The following MPRIP variants were observed in gnomAD, a reference collection of about 807,000 sequenced individuals.
MPRIP encodes myosin phosphatase Rho-interacting protein.
Under a neutral mutation model 234.9 loss-of-function variants are expected in MPRIP, and 59 were observed. The ratio of observed to expected loss-of-function variants is 0.25; its 90% CI spans 0.20 to 0.31. The LOEUF (loss-of-function observed/expected upper bound fraction) is 0.31. Among genes scored for constraint, MPRIP ranks in the 10% least tolerant of loss-of-function variants. MPRIP has a pLI of 1.00. For synonymous variants in MPRIP, 1,144 were observed against 1,263.9 expected (o/e 0.91, Z 2.01); for missense variants, 2,436 against 3,071.0 (o/e 0.79, Z 4.89).
chr17:17,160,006 A>G (rs1202002719), intron 14 of MPRIP, among the ~76,000 whole-genome samples: 1 of 152,228 alleles, frequency 6.6e-6, no homozygotes, highest in Non-Finnish European at 1.5e-5. Flanking sequence ...ACTTCAGGCT[A>G]CCAAAATGGG....
At chr17:17,103,505 C>T (rs1422303223) in intron 3 of MPRIP, among the ~76,000 whole-genome samples, 1 of 152,154 alleles carries the variant, frequency 6.6e-6, no homozygotes, top group Non-Finnish European at 1.5e-5. Context: ...TCTCTTTTTA[C>T]GTGGAAAGAG....
At chr17:17,181,307 C>T (rs912276143) in intron 23 of MPRIP, among the ~76,000 whole-genome samples, 4 of 152,088 alleles carry the variant, frequency 2.6e-5, no homozygotes, top group South Asian at 2.1e-4. Flanking sequence ...TGAGTAGTTG[C>T]CGGCTCAGTA....
intron 3 of MPRIP, among the ~76,000 whole-genome samples, chr17:17,119,706 G>T (rs866905688): frequency 6.6e-6 from 1 of 152,310 alleles, no homozygotes; most frequent in Admixed American, 6.5e-5. Context: ...AGAACGTGCC[G>T]AGCTGCCTGT....
At chr17:17,104,842 C>G (rs1014032254) in intron 3 of MPRIP, among the ~76,000 whole-genome samples, 2 of 152,140 alleles carry the variant, frequency 1.3e-5, no homozygotes, top group Non-Finnish European at 2.9e-5. Context: ...CCAGCTTTGT[C>G]CTTAAGACCC....
intron 1 of MPRIP, among the ~76,000 whole-genome samples, chr17:17,052,286 TG>T (rs901452753): frequency 2.6e-5 from 4 of 152,164 alleles, no homozygotes; most frequent in African/African-American, 9.7e-5. Context: ...TTAGTGTTTT[TG>T]TTTGGCCCCG....
intron 11 of MPRIP, among the ~76,000 whole-genome samples, chr17:17,148,726 C>T (rs1251310535): frequency 1.3e-5 from 2 of 152,238 alleles, no homozygotes; most frequent in East Asian, 1.9e-4. Context: ...TGGAGCACCA[C>T]GTTTACTTGA....
Position 17,078,300 on chromosome 17 carries a change from A to G in MPRIP, c.267+224A>G, listed in dbSNP as rs2089383263. 7.2e-6 allele frequency among the ~76,000 whole-genome samples: 1 copy of G among 139,530 alleles called. No individual in the cohort carries two copies. Among genetic ancestry groups the G allele is most frequent in the Admixed American group, 6.9e-5 (1 of 14,398 alleles). The allele number at this position is 139,530 out of a possible 152,430, so 91.5% of individuals were successfully genotyped here. The stretch of plus-strand genomic sequence containing the variant: ...TCTTCTGTGGTCTTGAGTGAGAGGA[A>G]GAAGTGAGGGAGGAAGTCATTTCTG... On this transcript the variant is annotated intron_variant, in intron 3 of 23. Transcript: ENST00000651222. This position sits in a 1 kb window ranked among gnomAD's most constrained non-coding sequence, Gnocchi z 4.3.
At chr17:17,083,173 G>A (rs140176195) in intron 3 of MPRIP, among the ~76,000 whole-genome samples, 108 of 152,324 alleles carry the variant, frequency 7.1e-4, no homozygotes, top group African/African-American at 2.5e-3. Flanking sequence ...CATAATCTCA[G>A]CTCACATCCT....
intron 4 of MPRIP, among the ~76,000 whole-genome samples, chr17:17,129,764 G>T (rs2031169543): frequency 6.6e-6 from 1 of 152,248 alleles, no homozygotes; most frequent in African/African-American, 2.4e-5. Context: ...GGGGCCTGGG[G>T]TACCTGGCAG....
intron 12 of MPRIP, 141 bp from the exon 13 acceptor site, chr17:17,154,165 T>C (rs1002281606): frequency 1.2e-5 from 8 of 660,616 alleles, no homozygotes; most frequent in Admixed American, 2.4e-5. Flanking sequence ...AGTGGGCACA[T>C]GTGGCACTCC....
chr17:17,178,305 A>G (rs1485484558), intron 22 of MPRIP: 1 of 152,212 alleles, frequency 6.6e-6, no homozygotes, highest in Non-Finnish European at 1.5e-5. Context: ...CTAGCTCACT[A>G]ATATCAAAAA....
intron 3 of MPRIP, among the ~76,000 whole-genome samples, chr17:17,100,360 G>T (rs2089935172): frequency 6.6e-6 from 1 of 152,092 alleles, no homozygotes; most frequent in Non-Finnish European, 1.5e-5. Flanking sequence ...TTTCCCCCTT[G>T]TCGAACCAGT....
intron 3 of MPRIP, among the ~76,000 whole-genome samples, chr17:17,095,573 T>C (rs889040335): frequency 6.6e-6 from 1 of 152,162 alleles, no homozygotes; most frequent in Non-Finnish European, 1.5e-5. Flanking sequence ...ACTTTTAGGA[T>C]GCAGACTTTC....
Position 17,165,646 on chromosome 17 carries a change from A to G in MPRIP, c.4055A>G (p.Gln1352Arg). 1.5e-6 allele frequency: 2 copies of G among 1,305,120 alleles called. No homozygotes were observed. Among genetic ancestry groups the G allele is most frequent in the Non-Finnish European group, 2.0e-6 (2 of 989,054 alleles). 80.8% of individuals were successfully genotyped at this position (1,305,120 alleles called of 1,614,324 possible). ...WTSSTSSDTS[Q>R]DRSPSEESMS... The stretch of plus-strand genomic sequence containing the variant: ...AGCAGCACATCTTCCGACACCAGCC[A>G]GGACCGGTCACCCTCGGAAGAAAGC... Residue 1352 changes from glutamine to arginine, a missense_variant, in exon 16 of 24, where the codon CAG (glutamine) becomes CGG (arginine). By Grantham distance (43) the Gln-to-Arg change is conservative. Around this residue, in one of 4 missense-constraint regions of MPRIP, gnomAD observed 1,998 missense variants for 2,520.3 expected, o/e 0.79. Coordinates refer to ENST00000651222, the MANE Select transcript of MPRIP (RefSeq NM_001364716.4).
At chr17:17,154,476 G>A in intron 13 of MPRIP, 61 bp downstream of exon 13, 4 of 1,429,928 alleles carry the variant, frequency 2.8e-6, no homozygotes, top group Non-Finnish European at 3.9e-6. Context: ...CTCCCGCCAG[G>A]GCAGTGTCAG....
chr17:17,179,359 A>G (rs1031022012), intron 22 of MPRIP, among the ~76,000 whole-genome samples: 1 of 151,662 alleles, frequency 6.6e-6, no homozygotes, highest in African/African-American at 2.4e-5. Context: ...AGGCAGGAGA[A>G]TCGCTTGAAC....
intron 1 of MPRIP, among the ~76,000 whole-genome samples, chr17:17,049,014 G>A (rs1274480600): frequency 6.6e-6 from 1 of 152,218 alleles, no homozygotes; most frequent in East Asian, 1.9e-4. Flanking sequence ...AAGAAGGAGC[G>A]AAGTACTGAG....
chr17:17,046,914 A>G (rs1464638934), intron 1 of MPRIP, among the ~76,000 whole-genome samples: 3 of 152,346 alleles, frequency 2.0e-5, no homozygotes, highest in South Asian at 2.1e-4. Context: ...GCAGTGGCTC[A>G]TGCCTGTAAT....
At chr17:17,130,793 C>G (rs902932677) in intron 4 of MPRIP, among the ~76,000 whole-genome samples, 1 of 152,196 alleles carries the variant, frequency 6.6e-6, no homozygotes, top group Non-Finnish European at 1.5e-5. Context: ...GTCTAGCCCC[C>G]ACAGGACTGA....
Sources: gnomAD v4.1 joint callset for allele counts (sites outside exome capture counted in the v4.1 genomes callset) on GRCh38, gnomAD v4.1.1 for gene constraint, gnomAD v4.1.1 regional missense constraint, Gnocchi (gnomAD v3.1) non-coding constraint, MANE v1.5 for transcripts, NCBI Gene and HGNC (gene_info 2026-07-23, HGNC 2026-07-21) for gene names.